The following SNTB2 variants were observed in gnomAD, a reference collection of about 807,000 sequenced individuals.
SNTB2 encodes the protein beta-2-syntrophin.
SNTB2 carries 34 observed loss-of-function variants against 46.2 expected under a neutral mutation model. The observed-to-expected ratio is 0.74, with a 90% CI of 0.56 to 0.98. SNTB2 has a LOEUF of 0.98. Ranked by LOEUF, SNTB2 falls within the 50% of genes least tolerant of loss-of-function variation. The probability of loss-of-function intolerance (pLI) is 0.00; values close to 1 mark genes in which losing one functional copy is unlikely to be tolerated. For synonymous variants in SNTB2, 290 were observed against 312.6 expected, an observed-to-expected ratio of 0.93 and a Z score of 0.76; for missense variants, 603 against 731.4, an observed-to-expected ratio of 0.82 and a Z score of 2.02.
Position 69,187,199 on chromosome 16 carries a change from A to T in SNTB2, c.33A>T (p.Gly11=). The change falls in exon 1 of 7, where the codon GGA becomes GGT. Residue 11 remains glycine, a synonymous_variant. Coordinates refer to ENST00000336278, the MANE Select transcript of SNTB2 (RefSeq NM_006750.4). MRVAAATAAA[G]AGPAMAVWTR... Reference sequence around the variant, plus strand: ...TAGCTGCGGCGACTGCGGCGGCTGGAGCGGGGCCGGCCATGGCGGTGTGGA... The same window carrying T: ...TAGCTGCGGCGACTGCGGCGGCTGGTGCGGGGCCGGCCATGGCGGTGTGGA... 1 of 1,397,058 alleles carries T rather than the reference A, an allele frequency of 7.2e-7. No individual in the cohort carries two copies. Among genetic ancestry groups the T allele is most frequent in the Non-Finnish European group, 9.3e-7 (1 of 1,074,208 alleles). The allele number at this position is 1,397,058 out of a possible 1,614,324, so 86.5% of individuals were successfully genotyped here. A position where few individuals can be genotyped will look rare whatever the true frequency, so the allele number is the denominator to read the frequency against.
At chr16:69,253,384 T>C (rs1236199488) in intron 2 of SNTB2, among the ~76,000 whole-genome samples, 1 of 151,500 alleles carries the variant, frequency 6.6e-6, no homozygotes, top group Non-Finnish European at 1.5e-5. Flanking sequence ...GCGTGGTGCC[T>C]CACACCTGTA....
In SNTB2 at chr16:69,245,824, T is replaced by C; in HGVS notation, c.794+9T>C. On this transcript the variant is annotated intron_variant, in intron 2 of 6. Coordinates refer to ENST00000336278, the MANE Select transcript of SNTB2 (RefSeq NM_006750.4). Reference sequence around the variant, plus strand: ...CCGGATCTGGAAAACAGGTGAGGTGTACCTAACAAGAACATCATACCTACA... The same window carrying C: ...CCGGATCTGGAAAACAGGTGAGGTGCACCTAACAAGAACATCATACCTACA... 3.7e-6 allele frequency: 6 copies of C among 1,613,308 alleles called. No individual in the cohort carries two copies. Among genetic ancestry groups the C allele is most frequent in the African/African-American group, 2.7e-5 (2 of 75,014 alleles).
intron 1 of SNTB2, among the ~76,000 whole-genome samples, chr16:69,196,975 C>G (rs1466321199): frequency 6.6e-6 from 1 of 151,800 alleles, no homozygotes; most frequent in Non-Finnish European, 1.5e-5. Context: ...GTTGTTGCAT[C>G]TATCTGGAGG....
intron 4 of SNTB2, among the ~76,000 whole-genome samples, chr16:69,276,244 T>C (rs148717351): frequency 6.6e-6 from 1 of 151,966 alleles, no homozygotes; most frequent in Non-Finnish European, 1.5e-5. Context: ...TGTGGAATAT[T>C]GAGTAGTGCT....
rs567703503 is a variant in SNTB2, at chr16:69,235,621, G to T, written c.581-9981G>T. On this transcript the variant is annotated intron_variant, in intron 1 of 6. Transcript: ENST00000336278. The stretch of plus-strand genomic sequence containing the variant: ...ACTAAAAGGAAGGGAAAGGAAGAAA[G>T]GCGGGAAGTGGGGAGCAGAAAGAAA... The T allele has an allele frequency of 5.2e-6, 6 of 1,158,956 alleles. No individual in the cohort carries two copies. The African/African-American group carries it at 8.1e-5, about 16-fold the overall frequency. The allele number at this position is 1,158,956 out of a possible 1,614,324, so 71.8% of individuals were successfully genotyped here. A position where few individuals can be genotyped will look rare whatever the true frequency, so the allele number is the denominator to read the frequency against.
In SNTB2 at chr16:69,307,803, A is replaced by G. The variant is rs1258790440; in HGVS notation, c.*6879A>G. 6.6e-6 allele frequency: 1 copy of G among 152,136 alleles called. No individual in the cohort carries two copies. The highest frequency in any genetic ancestry group is 1.5e-5 in the Non-Finnish European group (1 of 68,016). The allele number at this position is 152,136 out of a possible 1,614,324, so 9.4% of individuals were successfully genotyped here. On this transcript the variant is annotated 3_prime_UTR_variant, in exon 7 of 7. Coordinates refer to ENST00000336278, the MANE Select transcript of SNTB2 (RefSeq NM_006750.4). The stretch of plus-strand genomic sequence containing the variant: ...CCATTTAAAAAATTAAAAAAAAAAA[A>G]AAAACTTTTAACATTTAAAAAATAA...
chr16:69,286,487 C>A (rs979048395), intron 5 of SNTB2, among the ~76,000 whole-genome samples: 1 of 151,970 alleles, frequency 6.6e-6, no homozygotes, highest in Non-Finnish European at 1.5e-5. Context: ...AGTTTGAGAC[C>A]AGCCTGGGTA....
chr16:69,268,928 G>A (rs1476792830), intron 3 of SNTB2, among the ~76,000 whole-genome samples: 2 of 151,996 alleles, frequency 1.3e-5, no homozygotes, highest in Non-Finnish European at 2.9e-5. Context: ...CCAACACTTT[G>A]GGAGGCCAAG....
intron 1 of SNTB2, among the ~76,000 whole-genome samples, chr16:69,220,390 T>C (rs1964391557): frequency 6.6e-6 from 1 of 151,452 alleles, no homozygotes. Flanking sequence ...CTCGATCTCC[T>C]GACCTCTGAT....
chr16:69,257,757 TTA>T (rs1443960619), intron 2 of SNTB2, among the ~76,000 whole-genome samples: 1 of 152,186 alleles, frequency 6.6e-6, no homozygotes, highest in Non-Finnish European at 1.5e-5. Context: ...AACTCTTATT[TTA>T]TGTCTTCTAT....
At chr16:69,273,232 T>G (rs1233400475) in intron 4 of SNTB2, among the ~76,000 whole-genome samples, 1 of 152,188 alleles carries the variant, frequency 6.6e-6, no homozygotes, top group Non-Finnish European at 1.5e-5. Flanking sequence ...CATTCCTAAG[T>G]TATGCCTAAG....
At chr16:69,195,018 C>A (rs769746253) in intron 1 of SNTB2, among the ~76,000 whole-genome samples, 40 of 152,152 alleles carry the variant, frequency 2.6e-4, no homozygotes, top group Non-Finnish European at 4.6e-4. Flanking sequence ...AAATGCTTGA[C>A]ATGTCAAGTG....
At chr16:69,250,981 G>GT (rs869256985) in intron 2 of SNTB2, among the ~76,000 whole-genome samples, 4,229 of 140,636 alleles carry the variant, frequency 0.03, 163 homozygotes, top group African/African-American at 0.075. Flanking sequence ...TTGTTTATCT[G>GT]TTTTTTTTTT....
chr16:69,282,359 A>C (rs999792994), intron 4 of SNTB2, among the ~76,000 whole-genome samples: 1 of 150,396 alleles, frequency 6.6e-6, no homozygotes, highest in Admixed American at 6.6e-5. Context: ...TCCCGGCTTG[A>C]ATCACCTGTG....
rs545838666 is a variant in SNTB2, at chr16:69,256,417, A to G, written c.795-3633A>G. 6.0e-4 allele frequency among the ~76,000 whole-genome samples: 92 copies of G among 152,298 alleles called. 1 individual carries two copies. The South Asian group carries it at 0.015, about 24-fold the overall frequency. Reference sequence around the variant, plus strand: ...GTGTTAAGTATATTCATATTTTTGTACAACCAATGTCCAGAAATTTTTCTT... The same window carrying G: ...GTGTTAAGTATATTCATATTTTTGTGCAACCAATGTCCAGAAATTTTTCTT... On this transcript the variant is annotated intron_variant, in intron 2 of 6. Coordinates refer to ENST00000336278, the MANE Select transcript of SNTB2 (RefSeq NM_006750.4).
chr16:69,212,507 T>C (rs1346021191), intron 1 of SNTB2, among the ~76,000 whole-genome samples: 1 of 151,420 alleles, frequency 6.6e-6, no homozygotes, highest in Non-Finnish European at 1.5e-5. Context: ...CCCAGCTGAT[T>C]TTTGTATTTT....
rs878913838 is a variant in SNTB2, at chr16:69,283,988, C to A, written c.1149-60C>A. The A allele has an allele frequency of 9.4e-5, 136 of 1,452,112 alleles. No individual in the cohort carries two copies. In the South Asian group the frequency reaches 1.8e-3, roughly 19 times the overall value. 90.0% of individuals were successfully genotyped at this position (1,452,112 alleles called of 1,614,324 possible). ...TTTCTCTTATCAATGAGCACAAATT[C>A]CTGACATTTTTGTCTGATAATGTAG... On this transcript the variant is annotated intron_variant, in intron 4 of 6. Transcript: ENST00000336278.
intron 5 of SNTB2, among the ~76,000 whole-genome samples, chr16:69,297,984 G>A (rs1480606203): frequency 6.6e-6 from 1 of 152,120 alleles, no homozygotes; most frequent in South Asian, 2.1e-4. Flanking sequence ...TGTCACCCAG[G>A]CTAGAGTGCA....
chr16:69,269,814 C>T (rs1964921661), intron 3 of SNTB2, among the ~76,000 whole-genome samples: 1 of 151,860 alleles, frequency 6.6e-6, no homozygotes. Flanking sequence ...GTGTGGCTCA[C>T]GCCTGTAATC....
Sources: allele counts gnomAD v4.1 joint callset (sites outside exome capture counted in the v4.1 genomes callset), GRCh38; gene constraint gnomAD v4.1.1; transcripts MANE v1.5; gene names NCBI Gene and HGNC (gene_info 2026-07-23, HGNC 2026-07-21).